Variants in ZNF385D observed in about 807,000 individuals in gnomAD.
ZNF385D encodes the protein zinc finger protein 385D, also known as zinc finger protein 659.
A neutral mutation model predicts 35.8 loss-of-function variants in ZNF385D; 15 were observed. That is an observed-to-expected ratio of 0.42 (90% CI 0.28 to 0.64). The LOEUF (loss-of-function observed/expected upper bound fraction) is 0.64. Ranked by LOEUF, ZNF385D falls within the 30% of genes least tolerant of loss-of-function variation. The probability of loss-of-function intolerance (pLI) is 0.23; values close to 1 mark genes in which losing one functional copy is unlikely to be tolerated. For missense variants in ZNF385D, 474 were observed against 494.6 expected, an observed-to-expected ratio of 0.96 and a Z score of 0.39; for synonymous variants, 212 against 186.8, an observed-to-expected ratio of 1.13 and a Z score of -1.10.
chr3:21,908,973 A>G (rs951887539), intron 3 of ZNF385D, among the ~76,000 whole-genome samples: 3 of 152,092 alleles, frequency 2.0e-5, no homozygotes, highest in Non-Finnish European at 4.4e-5. Context: ...GCCTATTAAA[A>G]AGTTACAAGA....
At chr3:21,683,584 T>G (rs2066985037) in intron 1 of ZNF385D, among the ~76,000 whole-genome samples, 1 of 149,282 alleles carries the variant, frequency 6.7e-6, no homozygotes, top group Non-Finnish European at 1.5e-5. Context: ...ACCACTGCAC[T>G]CCAGCCTGGG....
intron 2 of ZNF385D, among the ~76,000 whole-genome samples, chr3:21,586,101 A>G (rs6550611): frequency 0.21 from 32,564 of 152,018 alleles, 4,033 homozygotes; most frequent in African/African-American, 0.34. Flanking sequence ...AACTACTTGA[A>G]AGGCTAAGAT....
chr3:21,550,763 G>A (rs2062539637), intron 3 of ZNF385D, among the ~76,000 whole-genome samples: 1 of 152,164 alleles, frequency 6.6e-6, no homozygotes, highest in South Asian at 2.1e-4. Context: ...TTACAGTCGT[G>A]CGCCACCACT....
chr3:21,919,367 T>C (rs1044807528), intron 3 of ZNF385D, among the ~76,000 whole-genome samples: 2 of 152,224 alleles, frequency 1.3e-5, no homozygotes, highest in Non-Finnish European at 2.9e-5. Context: ...TGCCTGCCTT[T>C]CTAGGATGGA....
chr3:22,098,763 G>C (rs1267959406), intron 3 of ZNF385D, among the ~76,000 whole-genome samples: 1 of 151,582 alleles, frequency 6.6e-6, no homozygotes, highest in Non-Finnish European at 1.5e-5. Context: ...CCCAAATAAA[G>C]AAAACTATAT....
At chr3:21,738,444 A>T (rs2069352352) in intron 1 of ZNF385D, among the ~76,000 whole-genome samples, 1 of 152,188 alleles carries the variant, frequency 6.6e-6, no homozygotes, top group Admixed American at 6.5e-5. Flanking sequence ...GGGTTGCCAT[A>T]CTTACAAAAG....
intron 2 of ZNF385D, among the ~76,000 whole-genome samples, chr3:22,228,712 C>T (rs145402579): frequency 1.3e-5 from 2 of 152,254 alleles, no homozygotes; most frequent in South Asian, 2.1e-4. Flanking sequence ...AGCCAGTGGA[C>T]TGGGAGTGGC....
chr3:22,126,699 T>A (rs1289719964), intron 3 of ZNF385D, among the ~76,000 whole-genome samples: 1 of 152,164 alleles, frequency 6.6e-6, no homozygotes, highest in South Asian at 2.1e-4. Flanking sequence ...TTAGGTCCAT[T>A]TGGTCTATGG....
chr3:22,208,637 C>T (rs944220855), intron 2 of ZNF385D, among the ~76,000 whole-genome samples: 11 of 151,630 alleles, frequency 7.3e-5, no homozygotes, highest in African/African-American at 2.4e-4. Context: ...GTGATTATTA[C>T]ACATTATTTG....
chr3:22,290,304 G>C (rs986962824), intron 2 of ZNF385D, among the ~76,000 whole-genome samples: 2 of 152,106 alleles, frequency 1.3e-5, no homozygotes, highest in African/African-American at 4.8e-5. Flanking sequence ...GCTCTCCTCA[G>C]ACCACACCAC....
chr3:21,861,195 G>A (rs1697033580), intron 3 of ZNF385D, among the ~76,000 whole-genome samples: 2 of 152,100 alleles, frequency 1.3e-5, no homozygotes, highest in African/African-American at 4.8e-5. Flanking sequence ...GAAGCCAAAT[G>A]AACAGACTGC....
intron 1 of ZNF385D, among the ~76,000 whole-genome samples, chr3:21,686,822 A>T (rs1038672799): frequency 1.5e-4 from 23 of 152,232 alleles, no homozygotes; most frequent in Non-Finnish European, 2.2e-4. Flanking sequence ...TTTAATTGTC[A>T]CAAAACACAT....
At chr3:21,983,399 G>T (rs1694621467) in intron 3 of ZNF385D, among the ~76,000 whole-genome samples, 1 of 105,346 alleles carries the variant, frequency 9.5e-6, no homozygotes, top group Non-Finnish European at 1.9e-5. Context: ...CCACCTATGA[G>T]TGAGAATATG....
At chr3:22,206,152 A>G (rs114184792) in intron 2 of ZNF385D, among the ~76,000 whole-genome samples, 3,051 of 152,200 alleles carry the variant, frequency 0.02, 60 homozygotes, top group South Asian at 0.11. Flanking sequence ...GACAAAATAG[A>G]TATCAAGACA....
chr3:22,050,519 G>A lies in ZNF385D; in HGVS notation c.325+118298C>T, dbSNP rs141809092. Reference sequence around the variant, plus strand: ...GTTTCATTATTGATTTAATTTGGTTGTTCTTTATTGGTCTGTTAAGATTTT... The same window carrying A: ...GTTTCATTATTGATTTAATTTGGTTATTCTTTATTGGTCTGTTAAGATTTT... On this transcript the variant is annotated intron_variant, in intron 3 of 5. Coordinates refer to the ZNF385D transcript ENST00000494108. Among the ~76,000 whole-genome samples the A allele has an allele frequency of 2.6e-3, 394 of 152,208 alleles. 2 individuals are homozygous for A. Among genetic ancestry groups the A allele is most frequent in the African/African-American group, 8.0e-3 (332 of 41,532 alleles).
At chr3:21,605,817 G>C (rs1474107773) in intron 2 of ZNF385D, among the ~76,000 whole-genome samples, 1 of 152,124 alleles carries the variant, frequency 6.6e-6, no homozygotes, top group Non-Finnish European at 1.5e-5. Flanking sequence ...TTCTTACCCT[G>C]ATCTTTAATG....
intron 1 of ZNF385D, among the ~76,000 whole-genome samples, chr3:21,692,822 G>T (rs2067327680): frequency 6.6e-6 from 1 of 152,144 alleles, no homozygotes; most frequent in Non-Finnish European, 1.5e-5. Context: ...CAATTCCCAT[G>T]TGTCTCAGGC....
At chr3:22,278,436 T>C (rs1487135642) in intron 2 of ZNF385D, among the ~76,000 whole-genome samples, 1 of 152,146 alleles carries the variant, frequency 6.6e-6, no homozygotes, top group Non-Finnish European at 1.5e-5. Context: ...TCATTTTCTG[T>C]TTGCCACTAA....
intron 2 of ZNF385D, among the ~76,000 whole-genome samples, chr3:21,644,110 C>T (rs2065683261): frequency 6.6e-6 from 1 of 152,146 alleles, no homozygotes; most frequent in African/African-American, 2.4e-5. Flanking sequence ...AGCAGAACAA[C>T]AGGCAGCAAA....
Sources: allele counts gnomAD v4.1 joint callset (sites outside exome capture counted in the v4.1 genomes callset), GRCh38; gene constraint gnomAD v4.1.1; transcripts MANE v1.5; gene names NCBI Gene and HGNC (gene_info 2026-07-23, HGNC 2026-07-21).